CAMK2G: variants seen among roughly 807,000 people sequenced by gnomAD.
CAMK2G encodes calcium/calmodulin dependent protein kinase II gamma.
A neutral mutation model predicts 88.7 loss-of-function variants in CAMK2G; 23 were observed. The ratio of observed to expected loss-of-function variants is 0.26; its 90% CI spans 0.19 to 0.37. The LOEUF (loss-of-function observed/expected upper bound fraction) is 0.37. Among genes scored for constraint, CAMK2G ranks in the 10% least tolerant of loss-of-function variants. CAMK2G has a pLI of 1.00. For missense variants in CAMK2G, 476 were observed against 780.8 expected, an observed-to-expected ratio of 0.61 and a Z score of 4.65; for synonymous variants, 263 against 294.8, an observed-to-expected ratio of 0.89 and a Z score of 1.11.
Position 73,839,563 on chromosome 10 carries a change from T to TCTGCCTGC in CAMK2G, c.984_985insGCAGGCAG (p.Ser329AlafsTer17). The TCTGCCTGC allele has an allele frequency of 8.1e-7, 1 of 1,234,862 alleles. No homozygotes were observed. Among genetic ancestry groups the TCTGCCTGC allele is most frequent in the Non-Finnish European group, 1.0e-6 (1 of 987,904 alleles). 76.5% of individuals were successfully genotyped at this position (1,234,862 alleles called of 1,614,324 possible). A position where few individuals can be genotyped will look rare whatever the true frequency, so the allele number is the denominator to read the frequency against. On this transcript the variant is annotated frameshift_variant, in exon 13 of 23. Transcript: ENST00000423381. LOFTEE classifies it high-confidence loss of function. This position sits in a 1 kb window ranked among gnomAD's most constrained non-coding sequence, Gnocchi z 4.2. ...CCTTGCCCGGCCAGGCCGGCGGCGC[T>TCTGCCTGC]CGCGGCAGGCGAGGCGGGGGCGGAG...
Position 73,873,014 on chromosome 10 carries a change from G to A in CAMK2G, c.135C>T (p.Ile45=), listed in dbSNP as rs759582621. 1 of 1,612,906 alleles carries A rather than the reference G, an allele frequency of 6.2e-7. No individual in the cohort carries two copies. ...TSTQEYAAKI[I]NTKKLSARDH... is the part of the protein sequence containing the mutation. ...CCCGGGCAGACAACTTCTTGGTATT[G>A]ATGATTTTTGCTGCGTACTCCTGCG... The change falls in exon 2 of 23, where the codon ATC becomes ATT. Residue 45 remains isoleucine, a synonymous_variant. Coordinates refer to ENST00000423381, the MANE Select transcript of CAMK2G (RefSeq NM_001367534.1).
chr10:73,845,250 C>G (rs2094141222), intron 10 of CAMK2G, among the ~76,000 whole-genome samples: 1 of 152,124 alleles, frequency 6.6e-6, no homozygotes, highest in African/African-American at 2.4e-5. Flanking sequence ...CTGAATGTGT[C>G]TGGCTGGAGG....
At position 73,842,577 on chromosome 10, in the gene CAMK2G, C is replaced by G. The variant is rs2093885282; in HGVS notation, c.820-36G>C. ...AACAGACAGGCTATGAGCCCCAGCC[C>G]AGATCCTCTGCGCCTCCCACAGTCC... On this transcript the variant is annotated intron_variant, in intron 10 of 22. Transcript: ENST00000423381. The surrounding 1 kb of genome is among the most constrained non-coding windows in gnomAD (Gnocchi z 4.6). 2.7e-6 allele frequency: 4 copies of G among 1,485,772 alleles called. No individual in the cohort carries two copies. The African/African-American group carries it at 5.5e-5, about 21-fold the overall frequency. 92.0% of individuals were successfully genotyped at this position (1,485,772 alleles called of 1,614,324 possible).
chr10:73,814,828 C>A, intron 22 of CAMK2G, 175 bp downstream of exon 22: 1 of 596,390 alleles, frequency 1.7e-6, no homozygotes, highest in Non-Finnish European at 3.0e-6. Flanking sequence ...GGAGCCAGAC[C>A]CTAGTCTGTC....
intron 1 of CAMK2G, chr10:73,873,456 C>T: frequency 9.2e-7 from 1 of 1,081,142 alleles, no homozygotes; most frequent in Non-Finnish European, 1.1e-6. Flanking sequence ...GCAGAGAGAC[C>T]CTGCCCTTCT....
chr10:73,837,978 G>A (rs562680155), intron 13 of CAMK2G, among the ~76,000 whole-genome samples: 11 of 152,214 alleles, frequency 7.2e-5, no homozygotes, highest in Non-Finnish European at 1.6e-4. Context: ...GAGACCAGAG[G>A]ACAGACAGAC....
chr10:73,871,015 GCATCTGTGCCTAT>G (rs2095809005), intron 2 of CAMK2G, among the ~76,000 whole-genome samples: 1 of 152,128 alleles, frequency 6.6e-6, no homozygotes, highest in African/African-American at 2.4e-5. Flanking sequence ...CCTCTGGCTG[GCATCTGTGCCTAT>G]CATCTGTGCC....
At chr10:73,822,123 A>G (rs1304748284) in intron 17 of CAMK2G, among the ~76,000 whole-genome samples, 1 of 152,204 alleles carries the variant, frequency 6.6e-6, no homozygotes, top group African/African-American at 2.4e-5. Flanking sequence ...CTGAACCATG[A>G]TAACAGCTTC....
At chr10:73,815,880 G>T (rs1282582853) in intron 21 of CAMK2G, 1 of 985,130 alleles carries the variant, frequency 1.0e-6, no homozygotes, top group Non-Finnish European at 1.2e-6. Context: ...TGTGAAAACT[G>T]TGTTGCTTTT....
intron 2 of CAMK2G, among the ~76,000 whole-genome samples, chr10:73,870,156 A>G (rs577584497): frequency 6.6e-6 from 1 of 152,328 alleles, no homozygotes; most frequent in East Asian, 1.9e-4. Context: ...GTGCTCTTAA[A>G]TCTTAAAATA....
chr10:73,837,381 T>C, intron 14 of CAMK2G, 87 bp downstream of exon 14: 1 of 1,040,538 alleles, frequency 9.6e-7, no homozygotes, highest in Non-Finnish European at 1.5e-6. Context: ...GAAGATTCCC[T>C]GGGAAAGGGG....
chr10:73,858,263 G>A (rs1316013583), intron 3 of CAMK2G, among the ~76,000 whole-genome samples: 1 of 152,228 alleles, frequency 6.6e-6, no homozygotes, highest in East Asian at 1.9e-4. Flanking sequence ...TAGCTTCCTC[G>A]ACTGTGCACT....
Position 73,825,216 on chromosome 10 carries a change from G to A in CAMK2G, c.1155+63C>T, listed in dbSNP as rs368099600. 4.3e-6 allele frequency: 5 copies of A among 1,159,608 alleles called. No homozygotes were observed. In the African/African-American group the frequency reaches 7.6e-5, roughly 18 times the overall value. 71.8% of individuals were successfully genotyped at this position (1,159,608 alleles called of 1,614,324 possible). A position where few individuals can be genotyped will look rare whatever the true frequency, so the allele number is the denominator to read the frequency against. Reference sequence around the variant, plus strand: ...AGGCCAGGGAGGGGGCACAAGAGGAGGAAGAGGGAAGGGGCAGGAGGCAGC... The same window carrying A: ...AGGCCAGGGAGGGGGCACAAGAGGAAGAAGAGGGAAGGGGCAGGAGGCAGC... On this transcript the variant is annotated intron_variant, in intron 16 of 22. Coordinates refer to ENST00000423381, the MANE Select transcript of CAMK2G (RefSeq NM_001367534.1).
chr10:73,815,751 G>C, intron 21 of CAMK2G: 1 of 946,568 alleles, frequency 1.1e-6, no homozygotes, highest in African/African-American at 1.8e-5. Flanking sequence ...AAATTGATTT[G>C]TAATTTTTTT....
At chr10:73,826,836 T>C (rs1030170839) in intron 15 of CAMK2G, among the ~76,000 whole-genome samples, 7 of 152,196 alleles carry the variant, frequency 4.6e-5, no homozygotes, top group Non-Finnish European at 7.4e-5. Flanking sequence ...GCCAGCTTGC[T>C]GTCAATGGCT....
At chr10:73,822,963 G>A (rs530823363) in intron 17 of CAMK2G, among the ~76,000 whole-genome samples, 4 of 152,312 alleles carry the variant, frequency 2.6e-5, no homozygotes, top group African/African-American at 9.6e-5. Flanking sequence ...CCAGGTTCAA[G>A]CGATTCTCCT....
intron 6 of CAMK2G, 66 bp downstream of exon 6, chr10:73,849,195 A>C: frequency 6.4e-7 from 1 of 1,564,044 alleles, no homozygotes; most frequent in Non-Finnish European, 8.8e-7. Flanking sequence ...ACGCAGTACC[A>C]CTATCTGGCA....
intron 5 of CAMK2G, among the ~76,000 whole-genome samples, chr10:73,851,228 A>G (rs2094588968): frequency 6.6e-6 from 1 of 152,246 alleles, no homozygotes; most frequent in Admixed American, 6.5e-5. Flanking sequence ...CATAAGCCAG[A>G]TAAGCTGCAG....
Position 73,852,847 on chromosome 10 carries a change from C to T in CAMK2G, c.275+345G>A, listed in dbSNP as rs778165343. On this transcript the variant is annotated intron_variant, in intron 4 of 22. Transcript: ENST00000423381. Reference sequence around the variant, plus strand: ...CCTGGTTTCCGACTAATGAAAGCTACCTCTGATTTCTCAGGATTTTTAAGG... The same window carrying T: ...CCTGGTTTCCGACTAATGAAAGCTATCTCTGATTTCTCAGGATTTTTAAGG... 17 of 298,696 alleles carry T rather than the reference C, an allele frequency of 5.7e-5. 1 individual carries two copies. The highest frequency in any genetic ancestry group is 8.7e-5 in the Non-Finnish European group (14 of 161,012). The allele number at this position is 298,696 out of a possible 1,614,324, so 18.5% of individuals were successfully genotyped here.
Sources: gnomAD v4.1 joint callset for allele counts (sites outside exome capture counted in the v4.1 genomes callset) on GRCh38, gnomAD v4.1.1 for gene constraint, Gnocchi (gnomAD v3.1) non-coding constraint, MANE v1.5 for transcripts, NCBI Gene and HGNC (gene_info 2026-07-23, HGNC 2026-07-21) for gene names.